Variants in SLC7A2 observed in about 807,000 individuals in gnomAD.
SLC7A2 encodes the protein solute carrier family 7 member 2.
A neutral mutation model predicts 58.9 loss-of-function variants in SLC7A2; 48 were observed. The observed-to-expected ratio is 0.82, with a 90% CI of 0.65 to 1.04. The LOEUF is 1.04. Ranked by LOEUF, SLC7A2 falls within the 50% of genes least tolerant of loss-of-function variation. The pLI is 0.00. For synonymous variants in SLC7A2, 363 were observed against 314.5 expected, an observed-to-expected ratio of 1.15 and a Z score of -1.63; for missense variants, 1,029 against 818.8, an observed-to-expected ratio of 1.26 and a Z score of -3.13.
At chr8:17,515,233 CT>C (rs1183511971) in intron 2 of SLC7A2, among the ~76,000 whole-genome samples, 1 of 151,800 alleles carries the variant, frequency 6.6e-6, no homozygotes, top group Non-Finnish European at 1.5e-5. Context: ...GAGGACATAG[CT>C]TGTGGTTTTT....
chr8:17,551,899 G>A lies in SLC7A2; in HGVS notation c.968G>A (p.Ser323Asn), dbSNP rs559533670. The A allele has an allele frequency of 6.2e-7, 1 of 1,613,870 alleles. No homozygotes were observed. Among genetic ancestry groups the A allele is most frequent in the East Asian group, 2.2e-5 (1 of 44,824 alleles). ...MMPYYLLDEK[S>N]PLPVAFEYVG... ...CCGTACTACCTCCTCGATGAAAAAA[G>A]CCCCCTTCCTGTAGCGTTTGAATAT... Residue 323 changes from serine to asparagine, a missense_variant, in exon 7 of 13, where the codon AGC (serine) becomes AAC (asparagine). By Grantham distance (46) the Ser-to-Asn change is conservative (BLOSUM62 1). Transcript: ENST00000494857.
rs1802606646 is a variant in SLC7A2, at chr8:17,554,682, C to T, written c.1178C>T (p.Ser393Leu). Residue 393 changes from serine to leucine, a missense_variant, in exon 8 of 13, where the codon TCA (serine) becomes TTA (leucine). Physicochemically the swap from Ser to Leu is moderately radical, Grantham distance 145. Coordinates refer to ENST00000494857, the MANE Select transcript of SLC7A2 (RefSeq NM_001370338.1). ...KTKTPIIATL[S>L]SGAVAALMAF... ...AAGACACCAATAATTGCTACTTTAT[C>T]ATCGGGTGCAGTGGCAGGTGAGAGA... 4 of 1,611,620 alleles carry T rather than the reference C, an allele frequency of 2.5e-6. No homozygotes were observed. Among genetic ancestry groups the T allele is most frequent in the Non-Finnish European group, 3.4e-6 (4 of 1,179,404 alleles).
At chr8:17,560,298 A>G (rs1348854376) in intron 9 of SLC7A2, 30 bp from the exon 10 acceptor site, 5 of 1,572,886 alleles carry the variant, frequency 3.2e-6, no homozygotes, top group Non-Finnish European at 4.4e-6. Flanking sequence ...CTATTTGAGA[A>G]TAAAGACATA....
chr8:17,562,132 G>A (rs760712027), intron 11 of SLC7A2, 22 bp downstream of exon 11: 1 of 1,546,214 alleles, frequency 6.5e-7, no homozygotes, highest in Non-Finnish European at 8.8e-7. Context: ...GAGGATTAGA[G>A]ACCCAAAATA....
intron 2 of SLC7A2, among the ~76,000 whole-genome samples, chr8:17,540,237 A>G (rs1338609190): frequency 6.6e-6 from 1 of 152,164 alleles, no homozygotes; most frequent in East Asian, 1.9e-4. Flanking sequence ...GTCCTACAAA[A>G]TTAGTTCTGC....
chr8:17,508,670 G>C (rs1800472505), intron 2 of SLC7A2, among the ~76,000 whole-genome samples: 1 of 151,950 alleles, frequency 6.6e-6, no homozygotes, highest in Admixed American at 6.6e-5. Flanking sequence ...GTTACAGTGA[G>C]GCGAGACCAC....
chr8:17,527,240 C>A (rs944682795), intron 2 of SLC7A2, among the ~76,000 whole-genome samples: 1 of 151,968 alleles, frequency 6.6e-6, no homozygotes, highest in Non-Finnish European at 1.5e-5. Context: ...CAAAATGGAA[C>A]CAAGAGGACC....
chr8:17,519,724 G>A (rs1371247890), intron 2 of SLC7A2, among the ~76,000 whole-genome samples: 1 of 152,076 alleles, frequency 6.6e-6, no homozygotes, highest in Non-Finnish European at 1.5e-5. Context: ...TTACTTCAGG[G>A]TCACTTACCT....
intron 5 of SLC7A2, 128 bp downstream of exon 5, chr8:17,548,971 G>T: frequency 1.3e-6 from 1 of 792,506 alleles, no homozygotes; most frequent in South Asian, 1.9e-5. Flanking sequence ...AGGAAAAAGA[G>T]ATTTAATGGA....
intron 2 of SLC7A2, among the ~76,000 whole-genome samples, chr8:17,519,883 A>C (rs906119261): frequency 3.9e-4 from 59 of 152,140 alleles, no homozygotes; most frequent in Non-Finnish European, 7.5e-4. Context: ...ATCCAAGGAG[A>C]GCACCCTGCT....
intron 2 of SLC7A2, among the ~76,000 whole-genome samples, chr8:17,515,302 T>TC (rs1410982230): frequency 6.6e-6 from 1 of 151,000 alleles, no homozygotes; most frequent in African/African-American, 2.4e-5. Context: ...TCTTTTTCTT[T>TC]TTTTTTTTTT....
At position 17,543,439 on chromosome 8, in the gene SLC7A2, T is replaced by C. The variant is rs955026547; in HGVS notation, c.100T>C (p.Leu34=). The C allele has an allele frequency of 6.2e-6, 10 of 1,614,162 alleles. No individual in the cohort carries two copies. The highest frequency in any genetic ancestry group is 1.7e-5 in the Admixed American group (1 of 60,024). ...AGAAGACACCAAATTATGCCGCTGC[T>C]TATCCACCATGGACCTCATTGCCCT... ...SLEDTKLCRC[L]STMDLIALGV... The change falls in exon 3 of 13, where the codon TTA becomes CTA. Residue 34 remains leucine (L), a synonymous_variant. Transcript: ENST00000494857.
At chr8:17,543,215 C>A (rs1266742701) in intron 2 of SLC7A2, 103 bp from the exon 3 acceptor site, 54 of 913,248 alleles carry the variant, frequency 5.9e-5, no homozygotes, top group African/African-American at 3.7e-4. Context: ...CACACACACA[C>A]AAACACACAC....
intron 2 of SLC7A2, among the ~76,000 whole-genome samples, chr8:17,515,356 C>T (rs13249384): frequency 0.036 from 5,361 of 149,894 alleles, 116 homozygotes; most frequent in East Asian, 0.1. Context: ...AGTGCAGTGT[C>T]GCAATCTCGG....
chr8:17,563,912 T>C (rs919846423), intron 12 of SLC7A2, among the ~76,000 whole-genome samples: 34 of 152,210 alleles, frequency 2.2e-4, no homozygotes, highest in African/African-American at 6.8e-4. Context: ...TAGAACCATG[T>C]AGGCTCTATT....
rs144268450 is a variant in SLC7A2 at position 17,557,889 on chromosome 8, A to G, written c.1196-406A>G. 3.8e-3 allele frequency among the ~76,000 whole-genome samples: 577 copies of G among 152,296 alleles called. 6 individuals are homozygous for G. Among genetic ancestry groups the G allele is most frequent in the South Asian group, 0.029 (140 of 4,822 alleles). ...TGCATATGGAAACTAAAGTGGTTAT[A>G]TAATATCTATAATGAAAGCACCTTC... On this transcript the variant is annotated intron_variant, in intron 8 of 12. Coordinates refer to ENST00000494857, the MANE Select transcript of SLC7A2 (RefSeq NM_001370338.1).
intron 3 of SLC7A2, 106 bp from the exon 4 acceptor site, chr8:17,544,345 A>G (rs1472081071): frequency 1.1e-6 from 1 of 943,962 alleles, no homozygotes. Flanking sequence ...TGTGATTAAA[A>G]TTTTCAATCT....
chr8:17,543,216 AAAC>A (rs1801994541), intron 2 of SLC7A2, 99 bp from the exon 3 acceptor site: 211 of 985,400 alleles, frequency 2.1e-4, no homozygotes, highest in East Asian at 6.5e-4. Context: ...ACACACACAC[AAAC>A]ACACACACAC....
intron 2 of SLC7A2, among the ~76,000 whole-genome samples, chr8:17,530,211 T>C (rs1033052251): frequency 7.2e-5 from 11 of 152,150 alleles, no homozygotes; most frequent in Admixed American, 2.6e-4. Context: ...CGCTGCTTCT[T>C]TGAGTCAGAA....
Sources: allele counts gnomAD v4.1 joint callset (sites outside exome capture counted in the v4.1 genomes callset), GRCh38; gene constraint gnomAD v4.1.1; transcripts MANE v1.5; gene names NCBI Gene and HGNC (gene_info 2026-07-23, HGNC 2026-07-21).